Variants in RBFOX1 observed in about 807,000 individuals in gnomAD.
The protein encoded by RBFOX1 is RNA binding protein fox-1 homolog 1.
RBFOX1 carries 8 observed loss-of-function variants against 57.7 expected under a neutral mutation model. That is an observed-to-expected ratio of 0.14 (90% CI 0.08 to 0.25). The LOEUF (loss-of-function observed/expected upper bound fraction) is 0.25. RBFOX1 is among the 10% of genes least tolerant of loss of function. RBFOX1 has a pLI of 1.00. For synonymous variants in RBFOX1, 326 were observed against 222.4 expected (o/e 1.47, Z -4.15); for missense variants, 611 against 548.5 (o/e 1.11, Z -1.14).
intron 4 of RBFOX1, among the ~76,000 whole-genome samples, chr16:5,905,726 A>T (rs1012670302): frequency 3.9e-5 from 6 of 152,082 alleles, no homozygotes; most frequent in Admixed American, 2.0e-4. Flanking sequence ...CAGCATCTAG[A>T]AGCCAAGGAG....
At chr16:6,614,807 C>A (rs148349803) in intron 2 of RBFOX1, among the ~76,000 whole-genome samples, 2 of 152,256 alleles carry the variant, frequency 1.3e-5, no homozygotes, top group South Asian at 4.1e-4. Context: ...TCATATTGAC[C>A]TAGGGACTCA....
intron 3 of RBFOX1, among the ~76,000 whole-genome samples, chr16:6,946,901 A>G (rs191526041): frequency 2.6e-4 from 40 of 152,196 alleles, no homozygotes; most frequent in African/African-American, 8.9e-4. Flanking sequence ...GAGTCACCAC[A>G]TCCAGCCCAG....
At chr16:6,230,434 G>C (rs779368546) in intron 1 of RBFOX1, among the ~76,000 whole-genome samples, 1 of 152,106 alleles carries the variant, frequency 6.6e-6, no homozygotes, top group Non-Finnish European at 1.5e-5. Context: ...GGAGTGCTCA[G>C]AATGGAAGGT....
At chr16:5,912,445 A>G (rs2058623135) in intron 4 of RBFOX1, among the ~76,000 whole-genome samples, 1 of 152,176 alleles carries the variant, frequency 6.6e-6, no homozygotes. Context: ...GTTTGGGGAC[A>G]TGTCACGGCC....
At chr16:6,086,486 C>A (rs567502836) in intron 1 of RBFOX1, among the ~76,000 whole-genome samples, 1 of 119,272 alleles carries the variant, frequency 8.4e-6, no homozygotes, top group East Asian at 2.1e-4. Context: ...AACAGCATCC[C>A]CGTTCATTGA....
intron 1 of RBFOX1, among the ~76,000 whole-genome samples, chr16:6,276,704 C>T (rs2075838304): frequency 6.6e-6 from 1 of 150,406 alleles, no homozygotes; most frequent in Non-Finnish European, 1.5e-5. Context: ...TATGCAGATA[C>T]TGGTCGCATT....
At chr16:5,696,349 A>AT (rs1311474900) in intron 3 of RBFOX1, among the ~76,000 whole-genome samples, 7 of 152,160 alleles carry the variant, frequency 4.6e-5, no homozygotes, top group African/African-American at 1.4e-4. Context: ...CAGTTTATTC[A>AT]TTTTAACTTC....
At chr16:6,362,079 C>CG (rs2088652771) in intron 2 of RBFOX1, among the ~76,000 whole-genome samples, 2 of 152,082 alleles carry the variant, frequency 1.3e-5, no homozygotes, top group Non-Finnish European at 2.9e-5. Context: ...ATCAGGTTCA[C>CG]GTGGCAATTA....
intron 5 of RBFOX1, chr16:7,519,521 T>C (rs1373156724): frequency 1.1e-5 from 2 of 190,070 alleles, no homozygotes; most frequent in African/African-American, 2.4e-5. Flanking sequence ...ACTGGTGTTT[T>C]GATCATTAAT....
chr16:7,424,504 C>G (rs1399356305), intron 4 of RBFOX1, among the ~76,000 whole-genome samples: 1 of 152,210 alleles, frequency 6.6e-6, no homozygotes, highest in Non-Finnish European at 1.5e-5. Flanking sequence ...ATGTGATCCA[C>G]CCACCTCGGC....
chr16:5,415,413 C>T (rs2067135867), intron 1 of RBFOX1, among the ~76,000 whole-genome samples: 2 of 152,168 alleles, frequency 1.3e-5, no homozygotes, highest in South Asian at 2.1e-4. Flanking sequence ...TCCTCTGACA[C>T]GTGAGGATTA....
At chr16:6,961,143 ACC>A (rs1491188498) in intron 3 of RBFOX1, among the ~76,000 whole-genome samples, 58 of 150,390 alleles carry the variant, frequency 3.9e-4, no homozygotes, top group African/African-American at 1.3e-3. Flanking sequence ...CATCACACAC[ACC>A]CACACAGACA....
intron 3 of RBFOX1, among the ~76,000 whole-genome samples, chr16:5,782,567 T>C (rs1247374358): frequency 1.3e-5 from 2 of 152,250 alleles, no homozygotes; most frequent in African/African-American, 4.8e-5. Flanking sequence ...GAAGACAGTG[T>C]CAGGATGGGG....
At chr16:5,463,903 T>G (rs1327117504) in intron 1 of RBFOX1, among the ~76,000 whole-genome samples, 1 of 152,166 alleles carries the variant, frequency 6.6e-6, no homozygotes, top group Non-Finnish European at 1.5e-5. Context: ...TTGAACAAAT[T>G]TGCTTTCAGC....
intron 3 of RBFOX1, among the ~76,000 whole-genome samples, chr16:5,672,220 A>T (rs2050032821): frequency 6.6e-6 from 1 of 152,134 alleles, no homozygotes; most frequent in African/African-American, 2.4e-5. Context: ...CTCTTAGGTG[A>T]GCTTCATAGT....
At chr16:7,003,667 A>T (rs918533635) in intron 3 of RBFOX1, among the ~76,000 whole-genome samples, 2 of 152,176 alleles carry the variant, frequency 1.3e-5, no homozygotes, top group Non-Finnish European at 2.9e-5. Flanking sequence ...TGTAGCATCA[A>T]AGGAACATAG....
chr16:7,305,001 T>C (rs996163961), intron 4 of RBFOX1, among the ~76,000 whole-genome samples: 2 of 151,034 alleles, frequency 1.3e-5, no homozygotes, highest in African/African-American at 4.9e-5. Context: ...CCGCATGGGA[T>C]CGCAGCATTT....
chr16:5,311,400 T>C (rs993593598), intron 1 of RBFOX1, among the ~76,000 whole-genome samples: 2 of 152,338 alleles, frequency 1.3e-5, no homozygotes, highest in Middle Eastern at 3.4e-3. Flanking sequence ...ATGACTTCTC[T>C]TTTGGGTGGG....
chr16:6,246,777 G>T (rs2097571408), intron 1 of RBFOX1, among the ~76,000 whole-genome samples: 1 of 152,170 alleles, frequency 6.6e-6, no homozygotes, highest in Non-Finnish European at 1.5e-5. Context: ...CTAAACTCCA[G>T]TCCATTGTAG....
Sources: gnomAD v4.1 joint callset for allele counts (sites outside exome capture counted in the v4.1 genomes callset) on GRCh38, gnomAD v4.1.1 for gene constraint, MANE v1.5 for transcripts, NCBI Gene and HGNC (gene_info 2026-07-23, HGNC 2026-07-21) for gene names.